Variants in KMT2C observed in about 807,000 individuals in gnomAD.
KMT2C encodes histone-lysine N-methyltransferase 2C.
KMT2C carries 88 observed loss-of-function variants against 507.9 expected under a neutral mutation model. The ratio of observed to expected loss-of-function variants is 0.17; its 90% confidence interval spans 0.15 to 0.21. The LOEUF (loss-of-function observed/expected upper bound fraction) is 0.21, where lower values mean the gene tolerates loss of function less well. Among genes scored for constraint, KMT2C ranks in the 10% least tolerant of loss-of-function variants. The pLI is 1.00. For missense variants in KMT2C, 4,954 were observed against 5,957.8 expected, an observed-to-expected ratio of 0.83 and a Z score of 5.55; for synonymous variants, 2,049 against 2,080.8, an observed-to-expected ratio of 0.98 and a Z score of 0.42.
intron 41 of KMT2C, among the ~76,000 whole-genome samples, chr7:152,168,741 G>C (rs1278834697): frequency 2.0e-5 from 3 of 152,132 alleles, no homozygotes; most frequent in African/African-American, 7.2e-5. Context: ...TAACTAGAAA[G>C]GATTCAGGGG....
At chr7:152,208,513 A>G (rs1464076061) in intron 23 of KMT2C, among the ~76,000 whole-genome samples, 1 of 152,234 alleles carries the variant, frequency 6.6e-6, no homozygotes, top group African/African-American at 2.4e-5. Context: ...TTTTCTTAGT[A>G]ACAGATGTAT....
At chr7:152,357,763 G>T (rs2097164224) in intron 2 of KMT2C, among the ~76,000 whole-genome samples, 1 of 152,054 alleles carries the variant, frequency 6.6e-6, no homozygotes, top group Non-Finnish European at 1.5e-5. Context: ...TTATTTGAAG[G>T]CTTTCCAAGA....
chr7:152,215,762 G>A (rs1423499250), intron 23 of KMT2C, among the ~76,000 whole-genome samples: 1 of 148,154 alleles, frequency 6.7e-6, no homozygotes, highest in Admixed American at 6.7e-5. Flanking sequence ...CCTTATACAT[G>A]CATAAAACAC....
intron 43 of KMT2C, among the ~76,000 whole-genome samples, chr7:152,159,622 C>A (rs1240932309): frequency 6.6e-6 from 1 of 152,200 alleles, no homozygotes; most frequent in African/African-American, 2.4e-5. Context: ...TAGTTCACAA[C>A]CGTATTTGAC....
At chr7:152,344,024 C>G (rs541280365) in intron 2 of KMT2C, among the ~76,000 whole-genome samples, 1 of 152,198 alleles carries the variant, frequency 6.6e-6, no homozygotes, top group East Asian at 1.9e-4. Flanking sequence ...ATTAACTGAT[C>G]TAATAGATAA....
chr7:152,411,424 T>C (rs2097682093), intron 1 of KMT2C, among the ~76,000 whole-genome samples: 1 of 152,052 alleles, frequency 6.6e-6, no homozygotes, highest in South Asian at 2.1e-4. Flanking sequence ...TTCGTGCAAC[T>C]TTTATGGCCC....
At chr7:152,392,755 T>C (rs187764205) in intron 1 of KMT2C, among the ~76,000 whole-genome samples, 1 of 152,324 alleles carries the variant, frequency 6.6e-6, no homozygotes, top group South Asian at 2.1e-4. Flanking sequence ...CTCTTCAGTA[T>C]CTGATGAGAA....
At chr7:152,152,675 T>G in intron 49 of KMT2C, 30 bp downstream of exon 49, 1 of 1,610,012 alleles carries the variant, frequency 6.2e-7, no homozygotes, top group African/African-American at 1.3e-5. Context: ...AGGAATGGAT[T>G]TGGGGTTAAC....
At chr7:152,145,445 T>C (rs2091007933) in intron 53 of KMT2C, 150 bp from the exon 54 acceptor site, 3 of 758,614 alleles carry the variant, frequency 4.0e-6, no homozygotes, top group Non-Finnish European at 6.3e-6. Flanking sequence ...TTAACACTAT[T>C]GGCCTGCAGG....
At chr7:152,193,907 G>C (rs956455836) in intron 31 of KMT2C, 102 bp downstream of exon 31, 2 of 1,007,186 alleles carry the variant, frequency 2.0e-6, no homozygotes, top group Admixed American at 2.9e-5. Flanking sequence ...TTGTATACGT[G>C]GCTACTAAAG....
chr7:152,256,818 C>T (rs185139847), intron 9 of KMT2C, among the ~76,000 whole-genome samples: 71 of 152,292 alleles, frequency 4.7e-4, no homozygotes, highest in Admixed American at 3.2e-3. Flanking sequence ...CACCACTTTT[C>T]GCCCAGAAGA....
In KMT2C at chr7:152,144,963, T is replaced by C. The variant is rs939916200; in HGVS notation, c.14175-82A>G. The C allele has an allele frequency of 2.8e-6, 4 of 1,447,180 alleles. No homozygotes were observed. The African/African-American group carries it at 5.7e-5, about 21-fold the overall frequency. 89.6% of individuals were successfully genotyped at this position (1,447,180 alleles called of 1,614,324 possible). A position where few individuals can be genotyped will look rare whatever the true frequency, so the allele number is the denominator to read the frequency against. On this transcript the variant is annotated intron_variant, in intron 54 of 58. Coordinates refer to ENST00000262189, the MANE Select transcript of KMT2C (RefSeq NM_170606.3). The surrounding 1 kb of genome is among the most constrained non-coding windows in gnomAD (Gnocchi z 4.4). ...TGAGTAATGCCCAAAACCAGGTTAA[T>C]TCAGATTCTTACTGACAGAAACATA...
chr7:152,185,360 T>C (rs2093594014), intron 34 of KMT2C, among the ~76,000 whole-genome samples, 198 bp downstream of exon 34: 1 of 152,222 alleles, frequency 6.6e-6, no homozygotes, highest in South Asian at 2.1e-4. Flanking sequence ...TTTGGTTCTA[T>C]TAACTTGCTT....
Position 152,154,427 on chromosome 7 carries a change from A to C in KMT2C, c.11979T>G (p.Gly3993=). The part of the protein sequence containing the change: ...QEELRIQDHC[G]DRDTPDSFVP... ...CAAAACTGTCAGGAGTATCTCGATC[A>C]CCACAGTGATCCTGTATCCTGAAAA... is the stretch of plus-strand genomic sequence containing the variant. Residue 3993 remains glycine (G), a synonymous_variant, in exon 47 of 59, where the codon GGT becomes GGG. Transcript: ENST00000262189. 6.2e-7 allele frequency: 1 copy of C among 1,613,614 alleles called. No individual in the cohort carries two copies. Among genetic ancestry groups the C allele is most frequent in the Non-Finnish European group, 8.5e-7 (1 of 1,180,010 alleles).
chr7:152,212,001 T>C (rs1049614741), intron 23 of KMT2C, among the ~76,000 whole-genome samples: 78 of 152,028 alleles, frequency 5.1e-4, no homozygotes, highest in Non-Finnish European at 8.7e-4. Context: ...TGAGCCGAGA[T>C]TGCGCCACTG....
At chr7:152,314,466 T>C (rs2096704629) in intron 4 of KMT2C, among the ~76,000 whole-genome samples, 1 of 151,098 alleles carries the variant, frequency 6.6e-6, no homozygotes, top group East Asian at 1.9e-4. Flanking sequence ...TTAAACTATA[T>C]CAGACAAGAC....
At chr7:152,169,304 GA>G (rs3837083) in intron 40 of KMT2C, 55 bp from the exon 41 acceptor site, 33,544 of 911,824 alleles carry the variant, frequency 0.037, 1,527 homozygotes, top group East Asian at 0.18. Context: ...TTAAAGGGGG[GA>G]AAAAACTTTA....
In KMT2C at chr7:152,138,924, A is replaced by C. The variant is rs202017119; in HGVS notation, c.14535-20T>G. On this transcript the variant is annotated intron_variant, in intron 57 of 58. Transcript: ENST00000262189. This position sits in a 1 kb window ranked among gnomAD's most constrained non-coding sequence, Gnocchi z 4.2. Reference sequence around the variant, plus strand: ...ATATACCTGCAAGCCACCATGTCAGAAAACTGTATTGTAAAACAGCTAGAA... The same window carrying C: ...ATATACCTGCAAGCCACCATGTCAGCAAACTGTATTGTAAAACAGCTAGAA... 6.4e-7 allele frequency: 1 copy of C among 1,564,712 alleles called. No individual in the cohort carries two copies. Among genetic ancestry groups the C allele is most frequent in the African/African-American group, 1.4e-5 (1 of 73,832 alleles).
intron 18 of KMT2C, among the ~76,000 whole-genome samples, chr7:152,228,459 T>A (rs1232452021): frequency 6.6e-6 from 1 of 152,232 alleles, no homozygotes; most frequent in Non-Finnish European, 1.5e-5. Flanking sequence ...GCTGTATTTC[T>A]CAATGAGACT....
Sources: allele counts gnomAD v4.1 joint callset (sites outside exome capture counted in the v4.1 genomes callset), GRCh38; gene constraint gnomAD v4.1.1; non-coding constraint Gnocchi (gnomAD v3.1); transcripts MANE v1.5; gene names NCBI Gene and HGNC (gene_info 2026-07-23, HGNC 2026-07-21).